Variants in RASGRF1 observed in about 807,000 individuals in gnomAD.
RASGRF1 encodes the protein ras-specific guanine nucleotide-releasing factor 1.
Under a neutral mutation model 138.7 loss-of-function variants are expected in RASGRF1, and 40 were observed. The observed-to-expected ratio is 0.29, with a 90% confidence interval of 0.22 to 0.38. The LOEUF (loss-of-function observed/expected upper bound fraction) is 0.38. Ranked by LOEUF, RASGRF1 falls within the 10% of genes least tolerant of loss-of-function variation. The pLI, the probability that RASGRF1 is intolerant of heterozygous loss-of-function variation, is 1.00. For synonymous variants in RASGRF1, 614 were observed against 663.2 expected (o/e 0.93, Z 1.14); for missense variants, 1,108 against 1,650.4 (o/e 0.67, Z 5.69).
intron 23 of RASGRF1, among the ~76,000 whole-genome samples, chr15:78,983,947 T>C (rs566001906): frequency 2.0e-5 from 3 of 152,282 alleles, no homozygotes; most frequent in African/African-American, 7.2e-5. Context: ...CCTGCTGTCA[T>C]CAGGGGCTGG....
chr15:78,965,264 C>T (rs1344785907), intron 26 of RASGRF1, among the ~76,000 whole-genome samples: 1 of 152,166 alleles, frequency 6.6e-6, no homozygotes, highest in African/African-American at 2.4e-5. Flanking sequence ...CGGATGCACA[C>T]GGACACTGGA....
At chr15:79,031,370 G>A (rs370320476) in intron 8 of RASGRF1, 30 bp downstream of exon 8, 86 of 1,517,984 alleles carry the variant, frequency 5.7e-5, no homozygotes, top group Non-Finnish European at 7.0e-5. Context: ...CCTGTCTGCC[G>A]GTCTGGTGCA....
rs1032529902 is a variant in RASGRF1 at position 79,073,363 on chromosome 15, G to C, written c.277-8837C>G. ...GGGCTCTTCCCTTAACTGGACTGGA[G>C]CCAGGTAGAGCAAGGGCTCCCCAAA... On this transcript the variant is annotated intron_variant, in intron 1 of 26. Coordinates refer to ENST00000558480, the MANE Select transcript of RASGRF1 (RefSeq NM_001145648.3). The surrounding 1 kb of genome is among the most constrained non-coding windows in gnomAD (Gnocchi z 4.2). 6.6e-6 allele frequency among the ~76,000 whole-genome samples: 1 copy of C among 152,188 alleles called. No individual in the cohort carries two copies. Among genetic ancestry groups the C allele is most frequent in the African/African-American group, 2.4e-5 (1 of 41,442 alleles).
intron 3 of RASGRF1, among the ~76,000 whole-genome samples, chr15:79,055,704 G>A (rs772889682): frequency 6.6e-6 from 1 of 152,014 alleles, no homozygotes; most frequent in Non-Finnish European, 1.5e-5. Context: ...CACCATTTAA[G>A]GCCACGTGCA....
intron 24 of RASGRF1, chr15:78,979,074 C>G: frequency 7.7e-7 from 1 of 1,290,366 alleles, no homozygotes; most frequent in South Asian, 1.2e-5. Flanking sequence ...GAGTGGTGCC[C>G]CGGGGGCGGA....
chr15:79,029,531 C>A (rs139846717), intron 8 of RASGRF1, among the ~76,000 whole-genome samples: 1 of 151,950 alleles, frequency 6.6e-6, no homozygotes, highest in Non-Finnish European at 1.5e-5. Context: ...TCTGGGAAGG[C>A]GGTGGGAGTT....
chr15:79,073,589 C>T lies in RASGRF1; in HGVS notation c.277-9063G>A, dbSNP rs1010396451. 1.3e-5 allele frequency among the ~76,000 whole-genome samples: 2 copies of T among 152,068 alleles called. No individual in the cohort carries two copies. Among genetic ancestry groups the T allele is most frequent in the Non-Finnish European group, 2.9e-5 (2 of 68,004 alleles). On this transcript the variant is annotated intron_variant, in intron 1 of 26. Coordinates refer to ENST00000558480, the MANE Select transcript of RASGRF1 (RefSeq NM_001145648.3). The surrounding 1 kb of genome is among the most constrained non-coding windows in gnomAD (Gnocchi z 4.2). ...GGTGGCACTGGCAGACACGGGGTGC[C>T]GCTGAGTTGCACTGAGGGTGGGAAG... is the stretch of plus-strand genomic sequence containing the variant.
rs2057729540 is a variant in RASGRF1 at position 79,069,717 on chromosome 15, G to A, written c.277-5191C>T. ...GAAGTCAAAGATTTGGGGGAAACGG[G>A]GGCAGAAGAAGGGACTTCCTATTGC... On this transcript the variant is annotated intron_variant, in intron 1 of 26. Coordinates refer to ENST00000558480, the MANE Select transcript of RASGRF1 (RefSeq NM_001145648.3). Among the ~76,000 whole-genome samples, 7 of 152,276 alleles carry A rather than the reference G, an allele frequency of 4.6e-5. No homozygotes were observed. The South Asian group carries it at 1.4e-3, about 32-fold the overall frequency.
chr15:78,985,413 A>G (rs1283154904), intron 22 of RASGRF1: 26 of 503,976 alleles, frequency 5.2e-5, no homozygotes, highest in Non-Finnish European at 8.3e-5. Flanking sequence ...GCAATAATCA[A>G]TTAGAAAATA....
intron 11 of RASGRF1, among the ~76,000 whole-genome samples, chr15:79,019,463 C>T (rs945411654): frequency 2.0e-5 from 3 of 152,186 alleles, no homozygotes; most frequent in African/African-American, 7.2e-5. Flanking sequence ...TTGAGTTGTT[C>T]AGCCCCTTCT....
intron 12 of RASGRF1, among the ~76,000 whole-genome samples, chr15:79,016,849 C>T (rs909975754): frequency 3.3e-5 from 5 of 152,202 alleles, no homozygotes; most frequent in Non-Finnish European, 5.9e-5. Flanking sequence ...CTAGGTCCCA[C>T]GAAGATGCTG....
chr15:78,996,987 G>A (rs1223541786), intron 19 of RASGRF1, among the ~76,000 whole-genome samples: 2 of 152,252 alleles, frequency 1.3e-5, no homozygotes, highest in Admixed American at 6.5e-5. Context: ...CACCTGGGCT[G>A]GGCTGGGAGC....
chr15:78,980,393 A>G, intron 24 of RASGRF1: 1 of 414,452 alleles, frequency 2.4e-6, no homozygotes, highest in Admixed American at 3.9e-5. Context: ...GGATCCCAGC[A>G]GTATTCCTGT....
chr15:79,003,663 T>A, intron 15 of RASGRF1, 139 bp downstream of exon 15: 1 of 1,334,562 alleles, frequency 7.5e-7, no homozygotes, highest in Non-Finnish European at 1.0e-6. Context: ...GCCTCCACTA[T>A]CTGCCTGGTG....
chr15:78,987,692 T>C (rs538442801), intron 22 of RASGRF1, among the ~76,000 whole-genome samples: 4 of 151,886 alleles, frequency 2.6e-5, no homozygotes, highest in African/African-American at 9.7e-5. Context: ...GGAGACTGTG[T>C]CTTAAACAAA....
chr15:79,047,273 C>T lies in RASGRF1; in HGVS notation c.625-274G>A, dbSNP rs746219456. Among the ~76,000 whole-genome samples the T allele has an allele frequency of 2.9e-4, 44 of 152,274 alleles. No homozygotes were observed. The Middle Eastern group carries it at 0.01, about 35-fold the overall frequency. ...TGAAAGTGTGGTCCACAAATTGGAT[C>T]GGCATCTCTGAAGAGCTTATTGGAA... is the stretch of plus-strand genomic sequence containing the variant. On this transcript the variant is annotated intron_variant, in intron 4 of 26. Transcript: ENST00000558480.
At chr15:79,025,716 GC>G (rs2057037534) in intron 9 of RASGRF1, among the ~76,000 whole-genome samples, 1 of 152,144 alleles carries the variant, frequency 6.6e-6, no homozygotes, top group African/African-American at 2.4e-5. Flanking sequence ...GGGGCTAGGG[GC>G]TAAGCAAGCA....
intron 5 of RASGRF1, among the ~76,000 whole-genome samples, chr15:79,036,292 G>C (rs2057221371): frequency 6.6e-6 from 1 of 152,186 alleles, no homozygotes; most frequent in Admixed American, 6.5e-5. Flanking sequence ...GAAAACTGAG[G>C]CCCAGAGAGA....
At position 79,004,138 on chromosome 15, in the gene RASGRF1, T is replaced by G. The variant is rs2056615123; in HGVS notation, c.2113A>C (p.Lys705Gln). 1 of 1,605,192 alleles carries G rather than the reference T, an allele frequency of 6.2e-7. No individual in the cohort carries two copies. Among genetic ancestry groups the G allele is most frequent in the East Asian group, 2.2e-5 (1 of 44,652 alleles). The change falls in exon 15 of 27, where the codon AAG becomes CAG. Residue 705 changes from lysine (K) to glutamine (Q), a missense_variant. By Grantham distance (53) the Lys-to-Gln change is moderately conservative. This residue lies in a region of RASGRF1 where 686 missense variants were observed against 976.7 expected (regional missense o/e 0.70). Coordinates refer to ENST00000558480, the MANE Select transcript of RASGRF1 (RefSeq NM_001145648.3). ...TTGGGGGGTTCACCGTACAGGAGCT[T>G]ATTGTTCTGGCCACTGGCAAACAGG... ...ELLFASGQNN[K>Q]LLYGEPPKSP...
Sources: allele counts gnomAD v4.1 joint callset (sites outside exome capture counted in the v4.1 genomes callset), GRCh38; gene constraint gnomAD v4.1.1; regional missense constraint gnomAD v4.1.1; non-coding constraint Gnocchi (gnomAD v3.1); transcripts MANE v1.5; gene names NCBI Gene and HGNC (gene_info 2026-07-23, HGNC 2026-07-21).